Variants in PTPRG observed in about 807,000 individuals in gnomAD.
The protein encoded by PTPRG is protein tyrosine phosphatase receptor type G.
PTPRG carries 102 observed loss-of-function variants against 165.3 expected under a neutral mutation model. That is an observed-to-expected ratio of 0.62 (90% CI 0.53 to 0.73). The LOEUF is 0.73. Ranked by LOEUF, PTPRG falls within the 30% of genes least tolerant of loss-of-function variation. The pLI is 0.00. For synonymous variants in PTPRG, 675 were observed against 669.5 expected (o/e 1.01, Z -0.13); for missense variants, 1,866 against 1,861.4 (o/e 1.00, Z -0.05).
chr3:61,846,651 C>T (rs1311044875), intron 2 of PTPRG, among the ~76,000 whole-genome samples: 1 of 152,052 alleles, frequency 6.6e-6, no homozygotes, highest in African/African-American at 2.4e-5. Flanking sequence ...CGTGGTGGCT[C>T]ATGCTTGTAA....
At chr3:61,727,903 T>C (rs2032329360) in intron 1 of PTPRG, among the ~76,000 whole-genome samples, 1 of 152,240 alleles carries the variant, frequency 6.6e-6, no homozygotes, top group Admixed American at 6.5e-5. Context: ...TTATCTACTT[T>C]ACAGTTTTGC....
intron 2 of PTPRG, among the ~76,000 whole-genome samples, chr3:61,937,761 A>G (rs1401815124): frequency 6.6e-6 from 1 of 152,194 alleles, no homozygotes; most frequent in African/African-American, 2.4e-5. Context: ...GTGCTCATCA[A>G]ACTGCTGTGC....
intron 6 of PTPRG, among the ~76,000 whole-genome samples, chr3:62,146,811 G>A (rs1185696481): frequency 6.6e-6 from 1 of 152,168 alleles, no homozygotes; most frequent in Non-Finnish European, 1.5e-5. Flanking sequence ...CAAATGAGCT[G>A]TGTACCAACA....
intron 2 of PTPRG, among the ~76,000 whole-genome samples, chr3:61,930,136 T>G (rs1575795985): frequency 6.6e-6 from 1 of 151,936 alleles, no homozygotes; most frequent in South Asian, 2.1e-4. Flanking sequence ...TAGAGAAAGA[T>G]AAAGATGGAG....
chr3:61,739,172 A>G lies in PTPRG; in HGVS notation c.86-9706A>G, dbSNP rs555909062. 3.3e-5 allele frequency: 5 copies of G among 152,018 alleles called. No homozygotes were observed. The East Asian group carries it at 9.7e-4, about 29-fold the overall frequency. 9.4% of individuals were successfully genotyped at this position (152,018 alleles called of 1,614,324 possible). On this transcript the variant is annotated intron_variant, in intron 1 of 29. Coordinates refer to ENST00000474889, the MANE Select transcript of PTPRG (RefSeq NM_002841.4). ...CAGTGGGAGTGGAGAAAGAACAAAG[A>G]AATCTGTTCCTGGTTGTGATCAATT...
At position 61,589,107 on chromosome 3, in the gene PTPRG, ATAT is replaced by A. The variant is rs562773078; in HGVS notation, c.85+26740_85+26742del. ...TAATTGTTGAAAATAATTAAAAATAATATTATTTTGAGACGGACATAATTATAT... is the reference window on the plus strand; with the variant it reads ...TAATTGTTGAAAATAATTAAAAATAATATTTTGAGACGGACATAATTATAT... On this transcript the variant is annotated intron_variant, in intron 1 of 29. Coordinates refer to ENST00000474889, the MANE Select transcript of PTPRG (RefSeq NM_002841.4). Among the ~76,000 whole-genome samples, 480 of 152,332 alleles carry A rather than the reference ATAT, an allele frequency of 3.2e-3. 5 individuals carry two copies. The highest frequency in any genetic ancestry group is 0.011 in the African/African-American group (459 of 41,578).
intron 4 of PTPRG, among the ~76,000 whole-genome samples, chr3:62,075,836 G>T (rs1306065971): frequency 2.0e-5 from 3 of 152,138 alleles, no homozygotes; most frequent in Admixed American, 2.0e-4. Flanking sequence ...TTTTGGAAAA[G>T]TAGGGAAATA....
intron 5 of PTPRG, among the ~76,000 whole-genome samples, chr3:62,095,538 C>A (rs77524248): frequency 7.2e-4 from 109 of 152,310 alleles, no homozygotes; most frequent in African/African-American, 2.5e-3. Flanking sequence ...TTTCTTGTAG[C>A]CAACTGTATG....
intron 2 of PTPRG, among the ~76,000 whole-genome samples, chr3:61,899,577 T>C (rs1457621313): frequency 1.3e-5 from 2 of 152,156 alleles, no homozygotes; most frequent in African/African-American, 2.4e-5. Context: ...GTTGTTGTGC[T>C]GTCTATGGAA....
At chr3:62,239,940 G>A (rs1417090720) in intron 14 of PTPRG, among the ~76,000 whole-genome samples, 1 of 152,090 alleles carries the variant, frequency 6.6e-6, no homozygotes, top group African/African-American at 2.4e-5. Flanking sequence ...TGTAGAATTT[G>A]TACATGCAAA....
At chr3:61,563,576 C>T (rs1699824962) in intron 1 of PTPRG, among the ~76,000 whole-genome samples, 1 of 152,228 alleles carries the variant, frequency 6.6e-6, no homozygotes, top group South Asian at 2.1e-4. Context: ...CCCTCGCTCC[C>T]CTAAGGACAG....
intron 16 of PTPRG, among the ~76,000 whole-genome samples, chr3:62,259,615 TCA>T (rs1234983992): frequency 6.6e-6 from 1 of 152,126 alleles, no homozygotes; most frequent in African/African-American, 2.4e-5. Context: ...ATGAGGTAAA[TCA>T]CAGTTTTTTG....
chr3:61,807,887 A>AT (rs2035462747), intron 2 of PTPRG, among the ~76,000 whole-genome samples: 2 of 152,120 alleles, frequency 1.3e-5, no homozygotes, highest in South Asian at 4.1e-4. Flanking sequence ...GGGCAACCAT[A>AT]TTTTTGATCT....
intron 2 of PTPRG, among the ~76,000 whole-genome samples, chr3:61,808,407 G>C (rs2035477583): frequency 1.3e-5 from 2 of 152,038 alleles, no homozygotes; most frequent in Non-Finnish European, 1.5e-5. Flanking sequence ...TTCCTTAACT[G>C]TGAAATCTAT....
rs375100589 is a variant in PTPRG at position 62,297,068 on chromosome 3, T to C, written c.*3761T>C. On this transcript the variant is annotated 3_prime_UTR_variant, in exon 30 of 30. Coordinates refer to ENST00000474889, the MANE Select transcript of PTPRG (RefSeq NM_002841.4). ...GGCTTCACATTGACTCATGTTTCTT[T>C]CACTCCATTTTGAAATAGCTAAAAA... 6.6e-6 allele frequency: 1 copy of C among 152,146 alleles called. No homozygotes were observed. Among genetic ancestry groups the C allele is most frequent in the East Asian group, 1.9e-4 (1 of 5,200 alleles). 9.4% of individuals were successfully genotyped at this position (152,146 alleles called of 1,614,324 possible). A position where few individuals can be genotyped will look rare whatever the true frequency, so the allele number is the denominator to read the frequency against.
Position 62,157,107 on chromosome 3 carries a change from C to T in PTPRG, c.723C>T (p.Leu241=). The T allele has an allele frequency of 6.2e-7, 1 of 1,611,478 alleles. No homozygotes were observed. The highest frequency in any genetic ancestry group is 1.3e-5 in the African/African-American group (1 of 74,930). The change falls in exon 7 of 30, where the codon CTC becomes CTT. Residue 241 remains leucine (L), a synonymous_variant. Transcript: ENST00000474889. ...TFLDPFVLRD[L]LPASLGSYYR... ...TGGATCCTTTCGTCCTCCGGGACCT[C>T]CTGCCTGCATCCCTGGGCAGCTATT...
At chr3:62,184,467 C>A (rs534797856) in intron 8 of PTPRG, among the ~76,000 whole-genome samples, 1 of 152,286 alleles carries the variant, frequency 6.6e-6, no homozygotes, top group African/African-American at 2.4e-5. Flanking sequence ...ATAATCACTC[C>A]CTGAGGCCAT....
At chr3:61,717,601 CATTG>C (rs1254234261) in intron 1 of PTPRG, among the ~76,000 whole-genome samples, 1 of 151,920 alleles carries the variant, frequency 6.6e-6, no homozygotes, top group Non-Finnish European at 1.5e-5. Flanking sequence ...TCCTGGTCAA[CATTG>C]TGAAGCCCCG....
rs565464767 is a variant in PTPRG at position 62,260,853 on chromosome 3, C to T, written c.2560-1945C>T. On this transcript the variant is annotated intron_variant, in intron 16 of 29. Transcript: ENST00000474889. ...AAATCAGAAGGCCTCAGGCAAACCC[C>T]ATGGGTTCTAATAAAATCAGATTTG... 5 of 152,308 alleles carry T rather than the reference C, an allele frequency of 3.3e-5. No homozygotes were observed. The South Asian group carries it at 1.0e-3, about 32-fold the overall frequency. 9.4% of individuals were successfully genotyped at this position (152,308 alleles called of 1,614,324 possible).
Sources: gnomAD v4.1 joint callset for allele counts (sites outside exome capture counted in the v4.1 genomes callset) on GRCh38, gnomAD v4.1.1 for gene constraint, MANE v1.5 for transcripts, NCBI Gene and HGNC (gene_info 2026-07-23, HGNC 2026-07-21) for gene names.